Variants in ARHGEF10L observed in about 807,000 individuals in gnomAD.
ARHGEF10L encodes the protein rho guanine nucleotide exchange factor 10-like protein.
Under a neutral mutation model 141.2 loss-of-function variants are expected in ARHGEF10L, and 69 were observed. That is an observed-to-expected ratio of 0.49 (90% CI 0.40 to 0.60). The LOEUF (loss-of-function observed/expected upper bound fraction) is 0.60. ARHGEF10L is among the 20% of genes least tolerant of loss of function. The pLI is 0.00. For missense variants in ARHGEF10L, 1,482 were observed against 1,734.3 expected (o/e 0.85, Z 2.58); for synonymous variants, 711 against 718.5 (o/e 0.99, Z 0.17).
At position 17,637,891 on chromosome 1, in the gene ARHGEF10L, A is replaced by G. The variant is rs749748295; in HGVS notation, c.1931A>G (p.Lys644Arg). The G allele has an allele frequency of 3.2e-5, 51 of 1,586,100 alleles. No homozygotes were observed. In the Admixed American group the frequency reaches 7.0e-4, roughly 22 times the overall value. Reference sequence around the variant, plus strand: ...AGTTGGTCTCTTCTCTGCCCAGATAAGGTGTACCTCGGCCCCCCACGCCTC... The same window carrying G: ...AGTTGGTCTCTTCTCTGCCCAGATAGGGTGTACCTCGGCCCCCCACGCCTC... ...KASASGQAQN[K>R]VYLGPPRLFQ... Residue 644 changes from lysine to arginine, a missense_variant, in exon 19 of 29, where the codon AAG becomes AGG. Lys to Arg is a conservative substitution (Grantham distance 26). Transcript: ENST00000361221.
Position 17,552,958 on chromosome 1 carries a change from T to C in ARHGEF10L, c.-44+13008T>C, listed in dbSNP as rs2077170820. Among the ~76,000 whole-genome samples the C allele has an allele frequency of 2.0e-5, 3 of 152,194 alleles. No individual in the cohort carries two copies. In the South Asian group the frequency reaches 6.2e-4, roughly 31 times the overall value. Reference sequence around the variant, plus strand: ...GTCCCTTCCTTGGCAAATCACTTGATAGGATCCTGTGGGGCACTAGCATTC... The same window carrying C: ...GTCCCTTCCTTGGCAAATCACTTGACAGGATCCTGTGGGGCACTAGCATTC... On this transcript the variant is annotated intron_variant, in intron 1 of 28. Coordinates refer to ENST00000361221, the MANE Select transcript of ARHGEF10L (RefSeq NM_018125.4).
intron 26 of ARHGEF10L, among the ~76,000 whole-genome samples, chr1:17,672,263 C>A (rs2063371534): frequency 2.2e-5 from 3 of 138,098 alleles, no homozygotes; most frequent in Non-Finnish European, 3.1e-5. Context: ...CATGTATTAG[C>A]TGTTGTAAAT....
At chr1:17,631,842 T>C (rs1181145838) in intron 15 of ARHGEF10L, among the ~76,000 whole-genome samples, 1 of 152,238 alleles carries the variant, frequency 6.6e-6, no homozygotes, top group Non-Finnish European at 1.5e-5. Flanking sequence ...ACATGTTCAT[T>C]ACCTTGTGTG....
intron 26 of ARHGEF10L, among the ~76,000 whole-genome samples, chr1:17,669,781 C>G (rs1361268077): frequency 6.6e-6 from 1 of 152,240 alleles, no homozygotes; most frequent in Admixed American, 6.5e-5. Flanking sequence ...ATTCCAGGCT[C>G]TCTGTATGAG....
At chr1:17,576,683 G>C (rs1241167039) in intron 1 of ARHGEF10L, among the ~76,000 whole-genome samples, 1 of 152,188 alleles carries the variant, frequency 6.6e-6, no homozygotes, top group African/African-American at 2.4e-5. Context: ...GCAGGGCATG[G>C]AGCGTAGAAT....
At chr1:17,612,990 T>G in intron 7 of ARHGEF10L, 68 bp from the exon 8 acceptor site, 1 of 1,090,760 alleles carries the variant, frequency 9.2e-7, no homozygotes, top group Non-Finnish European at 1.4e-6. Flanking sequence ...TGTCTGTGTT[T>G]TGTCTCCTTC....
rs1018777149 is a variant in ARHGEF10L at position 17,683,518 on chromosome 1, A to C, written c.3010-4055A>C. ...GATCCTGGCATGTCTCTCTGGCTCCACCTACTCCCTGCCCTGTGGGCCCAG... is the reference window on the plus strand; with the variant it reads ...GATCCTGGCATGTCTCTCTGGCTCCCCCTACTCCCTGCCCTGTGGGCCCAG... On this transcript the variant is annotated intron_variant, in intron 26 of 28. Transcript: ENST00000361221. 2.0e-5 allele frequency among the ~76,000 whole-genome samples: 3 copies of C among 152,042 alleles called. No individual in the cohort carries two copies. The South Asian group carries it at 6.2e-4, about 32-fold the overall frequency.
rs201423411 is a variant in ARHGEF10L at position 17,664,464 on chromosome 1, C to G, written c.2878C>G (p.Leu960Val). ...PRTSGGVLWD[L>V]ESPPVCLTVG... ...CCCTGCAGGAGGTGTCCTGTGGGAC[C>G]TGGAGAGCCCTCCCGTGTGCCTGAC... is the stretch of plus-strand genomic sequence containing the variant. Residue 960 changes from leucine (L) to valine (V), a missense_variant, in exon 26 of 29, where the codon CTG (leucine) becomes GTG (valine). Physicochemically the swap from Leu to Val is conservative, Grantham distance 32. Transcript: ENST00000361221. 6.2e-7 allele frequency: 1 copy of G among 1,604,864 alleles called. No individual in the cohort carries two copies. The highest frequency in any genetic ancestry group is 1.3e-5 in the African/African-American group (1 of 75,024).
intron 2 of ARHGEF10L, among the ~76,000 whole-genome samples, chr1:17,582,370 G>C (rs1002188752): frequency 2.0e-5 from 3 of 152,172 alleles, no homozygotes; most frequent in African/African-American, 7.2e-5. Context: ...ACAAATATTT[G>C]TTGTTCCAGC....
rs1158842642 is a variant in ARHGEF10L, at chr1:17,656,413, G to A, written c.2706-141G>A. 3 of 1,052,288 alleles carry A rather than the reference G, an allele frequency of 2.9e-6. No individual in the cohort carries two copies. In the East Asian group the frequency reaches 7.2e-5, roughly 25 times the overall value. 65.2% of individuals were successfully genotyped at this position (1,052,288 alleles called of 1,614,324 possible). Reference sequence around the variant, plus strand: ...GAAAAGTGAGCTCCCGCATGGTGGAGCTATGGCCTGGCCACACAGCCGAAA... The same window carrying A: ...GAAAAGTGAGCTCCCGCATGGTGGAACTATGGCCTGGCCACACAGCCGAAA... On this transcript the variant is annotated intron_variant, in intron 24 of 28. Coordinates refer to ENST00000361221, the MANE Select transcript of ARHGEF10L (RefSeq NM_018125.4). This position sits in a 1 kb window ranked among gnomAD's most constrained non-coding sequence, Gnocchi z 4.9.
intron 1 of ARHGEF10L, among the ~76,000 whole-genome samples, chr1:17,542,922 G>A (rs1461587586): frequency 1.3e-5 from 2 of 152,168 alleles, no homozygotes; most frequent in Admixed American, 6.5e-5. Flanking sequence ...CCTGTCACCC[G>A]GCTAGACAAG....
At chr1:17,626,401 G>C (rs532924310) in intron 14 of ARHGEF10L, among the ~76,000 whole-genome samples, 36 of 152,208 alleles carry the variant, frequency 2.4e-4, no homozygotes, top group African/African-American at 8.4e-4. Flanking sequence ...TCGAGCTTCA[G>C]AACAGGGGAT....
upstream of ARHGEF10L, among the ~76,000 whole-genome samples, chr1:17,535,540 G>A (rs974287118): frequency 2.0e-5 from 3 of 152,156 alleles, no homozygotes; most frequent in Non-Finnish European, 2.9e-5. Context: ...AGCAATCTTG[G>A]ACAAGTCACC....
intron 17 of ARHGEF10L, 118 bp downstream of exon 17, chr1:17,634,680 G>A: frequency 6.7e-7 from 1 of 1,486,032 alleles, no homozygotes; most frequent in East Asian, 2.4e-5. Context: ...CCTGGCGAGG[G>A]ATCCCTGCTC....
At chr1:17,554,366 G>A (rs944688840) in intron 1 of ARHGEF10L, among the ~76,000 whole-genome samples, 2 of 152,138 alleles carry the variant, frequency 1.3e-5, no homozygotes, top group Non-Finnish European at 2.9e-5. Context: ...GAGAGAGGAT[G>A]CGGCTGGCAG....
chr1:17,666,378 A>T (rs964301268), intron 26 of ARHGEF10L, among the ~76,000 whole-genome samples: 1 of 151,942 alleles, frequency 6.6e-6, no homozygotes, highest in African/African-American at 2.4e-5. Context: ...CTCCTTAGAC[A>T]GAAGGGAGAG....
chr1:17,551,744 C>T (rs1315570325), intron 1 of ARHGEF10L, among the ~76,000 whole-genome samples: 1 of 152,126 alleles, frequency 6.6e-6, no homozygotes, highest in Non-Finnish European at 1.5e-5. Flanking sequence ...TTTTTCTCTT[C>T]CAAAAAGATT....
At chr1:17,650,937 A>G (rs2061891432) in intron 22 of ARHGEF10L, among the ~76,000 whole-genome samples, 1 of 152,174 alleles carries the variant, frequency 6.6e-6, no homozygotes, top group Non-Finnish European at 1.5e-5. Context: ...CAGTGCGTAA[A>G]TATAATCAAA....
chr1:17,587,218 C>T (rs2079095485), intron 2 of ARHGEF10L, among the ~76,000 whole-genome samples: 2 of 152,196 alleles, frequency 1.3e-5, no homozygotes, highest in Admixed American at 1.3e-4. Flanking sequence ...TGCACAGGCT[C>T]GCCCTGGGAG....
Sources: allele counts gnomAD v4.1 joint callset (sites outside exome capture counted in the v4.1 genomes callset), GRCh38; gene constraint gnomAD v4.1.1; non-coding constraint Gnocchi (gnomAD v3.1); transcripts MANE v1.5; gene names NCBI Gene and HGNC (gene_info 2026-07-23, HGNC 2026-07-21).